The following EFCAB12 variants were observed in gnomAD, a reference collection of about 807,000 sequenced individuals.
The protein encoded by EFCAB12 is EF-hand calcium binding domain 12, also known as EF-hand calcium-binding domain-containing protein 12.
In EFCAB12, 43 loss-of-function variants were observed where a neutral mutation model predicts 53.6. That is an observed-to-expected ratio of 0.80 (90% CI 0.63 to 1.03). The LOEUF is 1.03. EFCAB12 is among the 50% of genes least tolerant of loss of function. The pLI, the probability that EFCAB12 is intolerant of heterozygous loss-of-function variation, is 0.00. For synonymous variants in EFCAB12, 269 were observed against 289.2 expected, an observed-to-expected ratio of 0.93 and a Z score of 0.71; for missense variants, 646 against 730.6, an observed-to-expected ratio of 0.88 and a Z score of 1.34.
In EFCAB12 at chr3:129,403,939, G is replaced by A. The variant is rs139294808; in HGVS notation, c.1403+311C>T. ...TGGCTGGGGATTTGTGAAGGCCCTC[G>A]CTCCAGCCCTGTTCTCTAAGGAGGC... On this transcript the variant is annotated intron_variant, in intron 7 of 8. Transcript: ENST00000505956. 20 of 205,104 alleles carry A rather than the reference G, an allele frequency of 9.8e-5. 1 individual carries two copies. Among genetic ancestry groups the A allele is most frequent in the East Asian group, 8.4e-4 (8 of 9,572 alleles). 12.7% of individuals were successfully genotyped at this position (205,104 alleles called of 1,614,324 possible).
intron 2 of EFCAB12, 43 bp downstream of exon 2, chr3:129,421,324 C>A: frequency 6.5e-7 from 1 of 1,546,900 alleles, no homozygotes; most frequent in East Asian, 2.3e-5. Context: ...ATGATGCATC[C>A]CTAAACCCTT....
intron 1 of EFCAB12, among the ~76,000 whole-genome samples, chr3:129,426,305 C>G (rs569953138): frequency 3.3e-5 from 5 of 151,508 alleles, no homozygotes; most frequent in African/African-American, 9.7e-5. Context: ...CAAGTTTATA[C>G]CTCCAGTTGT....
intron 4 of EFCAB12, chr3:129,414,937 G>A (rs776727082): frequency 4.3e-6 from 1 of 234,230 alleles, no homozygotes; most frequent in Non-Finnish European, 8.1e-6. Context: ...CTCTGGAAAG[G>A]CTTGCCATTT....
intron 1 of EFCAB12, among the ~76,000 whole-genome samples, chr3:129,423,527 C>A (rs1314674599): frequency 6.6e-6 from 1 of 152,052 alleles, no homozygotes; most frequent in Non-Finnish European, 1.5e-5. Flanking sequence ...CCTCAGGAGG[C>A]TGAGGTGGGA....
At chr3:129,417,866 C>T (rs780606128) in intron 3 of EFCAB12, among the ~76,000 whole-genome samples, 5 of 145,556 alleles carry the variant, frequency 3.4e-5, no homozygotes, top group Admixed American at 6.8e-5. Flanking sequence ...TGCATTTCGA[C>T]AGGACACCCA....
intron 1 of EFCAB12, among the ~76,000 whole-genome samples, chr3:129,422,591 C>T (rs2072202201): frequency 6.6e-6 from 1 of 152,148 alleles, no homozygotes; most frequent in Non-Finnish European, 1.5e-5. Flanking sequence ...ACACCCTGGG[C>T]ACTCTTCCTT....
intron 1 of EFCAB12, among the ~76,000 whole-genome samples, chr3:129,426,051 T>G (rs1329151162): frequency 2.0e-5 from 3 of 152,178 alleles, no homozygotes; most frequent in Admixed American, 6.5e-5. Flanking sequence ...CTGGAAACAA[T>G]TCTACTCTTT....
At chr3:129,402,483 C>T in intron 8 of EFCAB12, 40 bp downstream of exon 8, 1 of 1,596,906 alleles carries the variant, frequency 6.3e-7, no homozygotes. Context: ...GCCCCTCCTC[C>T]CACCTTCCTT....
chr3:129,420,301 G>C (rs541873109), intron 2 of EFCAB12, among the ~76,000 whole-genome samples: 149 of 152,240 alleles, frequency 9.8e-4, no homozygotes, highest in Non-Finnish European at 1.7e-3. Flanking sequence ...ACATCATAGC[G>C]ACCCCAGGAG....
chr3:129,417,112 G>A (rs1367208253), intron 3 of EFCAB12, among the ~76,000 whole-genome samples: 1 of 151,922 alleles, frequency 6.6e-6, no homozygotes, highest in Non-Finnish European at 1.5e-5. Flanking sequence ...GGATCACAAG[G>A]TCAAGAGATC....
rs770277875 is a variant in EFCAB12, at chr3:129,418,371, C to T, written c.564G>A (p.Ser188=). ...QLQLPEPPAL[S]VMYSYLHSRK... ...GGCTATGCAGGTAGGAGTACATGAC[C>T]GACAGGGCAGGGGGCTCGGGCAGCT... Residue 188 remains serine, a synonymous_variant, in exon 3 of 9, where the codon TCG becomes TCA. Coordinates refer to ENST00000505956, the MANE Select transcript of EFCAB12 (RefSeq NM_207307.3). 56 of 1,613,484 alleles carry T rather than the reference C, an allele frequency of 3.5e-5. 1 individual carries two copies. Among genetic ancestry groups the T allele is most frequent in the East Asian group, 4.5e-5 (2 of 44,892 alleles).
At chr3:129,425,979 C>A (rs1332507057) in intron 1 of EFCAB12, among the ~76,000 whole-genome samples, 1 of 152,200 alleles carries the variant, frequency 6.6e-6, no homozygotes, top group East Asian at 1.9e-4. Flanking sequence ...GGTTCTAGTC[C>A]TCCCCATGGA....
Position 129,401,618 on chromosome 3 carries a change from G to A in EFCAB12, c.1694C>T (p.Ala565Val), listed in dbSNP as rs1331634276. 6.4e-7 allele frequency: 1 copy of A among 1,564,338 alleles called. No individual in the cohort carries two copies. The highest frequency in any genetic ancestry group is 1.2e-5 in the South Asian group (1 of 85,462). The part of the protein sequence containing the change: ...KNYMTHAHYD[A>V]AKVYYIN ...CTAGTTGATGTAGTACACCTTGGCG[G>A]CATCATAATGGGCGTGGGTCATGTA... Residue 565 changes from alanine to valine, a missense_variant, in exon 9 of 9, where the codon GCC becomes GTC. Ala to Val is a moderately conservative substitution (Grantham distance 64, BLOSUM62 0). Transcript: ENST00000505956.
chr3:129,420,470 TACTATC>T (rs2072174719), intron 2 of EFCAB12, among the ~76,000 whole-genome samples: 1 of 152,188 alleles, frequency 6.6e-6, no homozygotes, highest in African/African-American at 2.4e-5. Context: ...CCTTATCACT[TACTATC>T]ACTATATGTT....
At chr3:129,427,006 C>A (rs1410565571) in intron 1 of EFCAB12, among the ~76,000 whole-genome samples, 2 of 151,364 alleles carry the variant, frequency 1.3e-5, no homozygotes, top group African/African-American at 4.9e-5. Context: ...TGCCACCATG[C>A]CCGGCTAATT....
At chr3:129,425,106 G>A (rs1299295229) in intron 1 of EFCAB12, among the ~76,000 whole-genome samples, 1 of 152,114 alleles carries the variant, frequency 6.6e-6, no homozygotes, top group African/African-American at 2.4e-5. Context: ...TAAGGTTGGC[G>A]TCATCTCAAA....
chr3:129,426,359 G>GTTTTTTTTT lies in EFCAB12; in HGVS notation c.49+2072_49+2080dup, dbSNP rs71620055. On this transcript the variant is annotated intron_variant, in intron 1 of 8. Transcript: ENST00000505956. ...TGGATGGCTTACAGGGTTTTTTTTT[G>GTTTTTTTTT]TTTTTTTTTTTTTTTTTTTTTTTGA... Among the ~76,000 whole-genome samples the GTTTTTTTTT allele has an allele frequency of 1.9e-3, 170 of 87,824 alleles. 4 individuals carry two copies. The highest frequency in any genetic ancestry group is 8.5e-3 in the Middle Eastern group (1 of 118). The allele number at this position is 87,824 out of a possible 152,430, so 57.6% of individuals were successfully genotyped here. A position where few individuals can be genotyped will look rare whatever the true frequency, so the allele number is the denominator to read the frequency against.
At chr3:129,424,062 A>G (rs2072221272) in intron 1 of EFCAB12, among the ~76,000 whole-genome samples, 1 of 151,734 alleles carries the variant, frequency 6.6e-6, no homozygotes, top group Non-Finnish European at 1.5e-5. Flanking sequence ...CATTTACCAT[A>G]TTTTTCTGAA....
At chr3:129,411,091 T>A (rs2107737773) in intron 5 of EFCAB12, 67 bp downstream of exon 5, 1 of 1,510,428 alleles carries the variant, frequency 6.6e-7, no homozygotes, top group Non-Finnish European at 8.9e-7. Flanking sequence ...GTGGTGCTGC[T>A]GCGGTGATCT....
Sources: allele counts gnomAD v4.1 joint callset (sites outside exome capture counted in the v4.1 genomes callset), GRCh38; gene constraint gnomAD v4.1.1; transcripts MANE v1.5; gene names NCBI Gene and HGNC (gene_info 2026-07-23, HGNC 2026-07-21).